Variants in EXOC4 observed in about 807,000 individuals in gnomAD.
EXOC4 encodes the protein SEC8-like 1.
A neutral mutation model predicts 107.2 loss-of-function variants in EXOC4; 71 were observed. The ratio of observed to expected loss-of-function variants is 0.66; its 90% CI spans 0.55 to 0.81. EXOC4 has a LOEUF of 0.81. Among genes scored for constraint, EXOC4 ranks in the 30% least tolerant of loss-of-function variants. The pLI, the probability that EXOC4 is intolerant of heterozygous loss-of-function variation, is 0.00. For missense variants in EXOC4, 1,108 were observed against 1,189.6 expected, an observed-to-expected ratio of 0.93 and a Z score of 1.01; for synonymous variants, 456 against 441.2, an observed-to-expected ratio of 1.03 and a Z score of -0.42.
At chr7:133,857,546 C>T (rs1467472923) in intron 11 of EXOC4, among the ~76,000 whole-genome samples, 1 of 149,350 alleles carries the variant, frequency 6.7e-6, no homozygotes, top group African/African-American at 2.5e-5. Flanking sequence ...ATGCTACAGA[C>T]CCAGACCCAT....
intron 7 of EXOC4, among the ~76,000 whole-genome samples, chr7:133,402,586 C>T (rs1797115097): frequency 6.6e-6 from 1 of 152,058 alleles, no homozygotes; most frequent in African/African-American, 2.4e-5. Context: ...GCAACCTCCG[C>T]CTTCCAGGTT....
intron 9 of EXOC4, among the ~76,000 whole-genome samples, chr7:133,628,918 T>A (rs1311952331): frequency 6.6e-6 from 1 of 152,186 alleles, no homozygotes; most frequent in Non-Finnish European, 1.5e-5. Flanking sequence ...AAATATAGGA[T>A]GCAGCATGGA....
chr7:133,983,547 C>T (rs1458158703), intron 14 of EXOC4, among the ~76,000 whole-genome samples: 1 of 152,086 alleles, frequency 6.6e-6, no homozygotes, highest in Non-Finnish European at 1.5e-5. Context: ...TTAAATTGTC[C>T]TAATGTTTCC....
At chr7:133,519,958 T>G (rs1291119911) in intron 9 of EXOC4, among the ~76,000 whole-genome samples, 1 of 151,990 alleles carries the variant, frequency 6.6e-6, no homozygotes, top group Non-Finnish European at 1.5e-5. Context: ...GCTGATAAAA[T>G]TAATTACAGA....
intron 11 of EXOC4, among the ~76,000 whole-genome samples, chr7:133,859,997 G>A (rs1417383239): frequency 1.3e-5 from 2 of 152,144 alleles, no homozygotes; most frequent in African/African-American, 4.8e-5. Flanking sequence ...TAGAACATCT[G>A]GAATGTTTGT....
intron 7 of EXOC4, among the ~76,000 whole-genome samples, chr7:133,411,975 T>C (rs2150746619): frequency 6.6e-6 from 1 of 152,264 alleles, no homozygotes; most frequent in Admixed American, 6.5e-5. Context: ...GAGTACATCA[T>C]TATAACAAAG....
chr7:133,938,172 TC>T, intron 14 of EXOC4, 103 bp downstream of exon 14: 2 of 1,110,586 alleles, frequency 1.8e-6, no homozygotes, highest in Non-Finnish European at 2.6e-6. Flanking sequence ...TGGGGGCGTG[TC>T]CCAAGCTGTC....
chr7:134,027,235 A>T (rs1795159275), intron 17 of EXOC4, among the ~76,000 whole-genome samples: 3 of 152,164 alleles, frequency 2.0e-5, no homozygotes, highest in African/African-American at 7.2e-5. Flanking sequence ...ATAAATGTAA[A>T]TTAATTTGGT....
intron 9 of EXOC4, among the ~76,000 whole-genome samples, chr7:133,501,441 CTG>C (rs1158655443): frequency 2.6e-5 from 4 of 152,116 alleles, no homozygotes; most frequent in Non-Finnish European, 4.4e-5. Context: ...TGTAGACCAG[CTG>C]TGTTCTCTGA....
At chr7:133,300,905 A>G (rs1353409241) in intron 3 of EXOC4, among the ~76,000 whole-genome samples, 2 of 151,498 alleles carry the variant, frequency 1.3e-5, no homozygotes, top group African/African-American at 4.9e-5. Context: ...TCTAAGCTTC[A>G]TTGTTTGTTT....
At chr7:133,672,534 C>T (rs950392453) in intron 10 of EXOC4, among the ~76,000 whole-genome samples, 15 of 152,022 alleles carry the variant, frequency 9.9e-5, no homozygotes, top group East Asian at 7.7e-4. Flanking sequence ...AACTTGAAAG[C>T]CATCAACATT....
chr7:133,996,035 A>G (rs990893962), intron 14 of EXOC4, among the ~76,000 whole-genome samples: 1 of 152,208 alleles, frequency 6.6e-6, no homozygotes, highest in Admixed American at 6.5e-5. Flanking sequence ...AAAGCAAAAC[A>G]TATCAGAAAT....
chr7:134,069,310 T>TC (rs67106949), downstream of EXOC4, among the ~76,000 whole-genome samples: 287 of 130,164 alleles, frequency 2.2e-3, 3 homozygotes, highest in Middle Eastern at 9.0e-3. Context: ...TCCTCCTCCT[T>TC]TCTTCCTTCT....
intron 7 of EXOC4, among the ~76,000 whole-genome samples, chr7:133,393,986 G>A (rs563805123): frequency 2.6e-4 from 39 of 152,324 alleles, no homozygotes; most frequent in African/African-American, 8.9e-4. Context: ...AGACCAGCCT[G>A]CACTTAAATC....
intron 9 of EXOC4, chr7:133,601,879 G>T (rs1381788192): frequency 6.6e-6 from 1 of 152,274 alleles, no homozygotes; most frequent in South Asian, 2.1e-4. Flanking sequence ...TGTGTGTGTT[G>T]CCAGCTTGGC....
intron 3 of EXOC4, among the ~76,000 whole-genome samples, chr7:133,293,673 TTTC>T (rs1794456394): frequency 6.6e-6 from 1 of 152,232 alleles, no homozygotes; most frequent in African/African-American, 2.4e-5. Flanking sequence ...GAGATATTTG[TTTC>T]TTCTTTTGAT....
At chr7:133,831,003 C>T (rs767730394) in intron 11 of EXOC4, among the ~76,000 whole-genome samples, 6 of 152,098 alleles carry the variant, frequency 3.9e-5, no homozygotes, top group Non-Finnish European at 8.8e-5. Flanking sequence ...CTCGCTCTAT[C>T]GCCCAGGCTG....
chr7:134,098,055 A>G, the EXOC4 span, among the ~76,000 whole-genome samples: 6 of 152,354 alleles, frequency 3.9e-5, no homozygotes, highest in Non-Finnish European at 8.8e-5. Flanking sequence ...AGGAGGATTC[A>G]CACATATCAA....
chr7:133,689,935 G>A (rs11974903), intron 10 of EXOC4, among the ~76,000 whole-genome samples: 1,769 of 152,354 alleles, frequency 0.012, 18 homozygotes, highest in Middle Eastern at 0.041. Flanking sequence ...AGCAGATGAG[G>A]TTGGCTTTAC....
Sources: gnomAD v4.1 joint callset for allele counts (sites outside exome capture counted in the v4.1 genomes callset) on GRCh38, gnomAD v4.1.1 for gene constraint, MANE v1.5 for transcripts, NCBI Gene and HGNC (gene_info 2026-07-23, HGNC 2026-07-21) for gene names.